Variants in DPH6 observed in about 807,000 individuals in gnomAD.
DPH6 encodes diphthine--ammonia ligase.
A neutral mutation model predicts 38.2 loss-of-function variants in DPH6; 33 were observed. That is an observed-to-expected ratio of 0.86 (90% CI 0.65 to 1.15). The LOEUF is 1.15. DPH6 is among the 50% of genes most tolerant of loss of function. DPH6 has a pLI of 0.00. For synonymous variants in DPH6, 108 were observed against 103.0 expected, an observed-to-expected ratio of 1.05 and a Z score of -0.30; for missense variants, 325 against 320.0, an observed-to-expected ratio of 1.02 and a Z score of -0.12.
intron 3 of DPH6, among the ~76,000 whole-genome samples, chr15:35,312,759 T>C (rs946810342): frequency 1.3e-5 from 2 of 152,228 alleles, no homozygotes; most frequent in African/African-American, 4.8e-5. Flanking sequence ...TTTCCCAGCA[T>C]CATTCATTGG....
chr15:35,543,659 C>T (rs2055299409), intron 1 of DPH6, among the ~76,000 whole-genome samples: 1 of 152,014 alleles, frequency 6.6e-6, no homozygotes, highest in Non-Finnish European at 1.5e-5. Flanking sequence ...TCTTAGTTTT[C>T]AACATTTCTG....
chr15:35,230,429 CT>C (rs2051509373), intron 3 of DPH6, among the ~76,000 whole-genome samples: 1 of 152,148 alleles, frequency 6.6e-6, no homozygotes, highest in Admixed American at 6.5e-5. Flanking sequence ...GTGGGCTCCC[CT>C]TCTGGCCCAG....
At chr15:35,323,199 T>TA (rs2052255157) in intron 3 of DPH6, among the ~76,000 whole-genome samples, 1 of 152,170 alleles carries the variant, frequency 6.6e-6, no homozygotes, top group Non-Finnish European at 1.5e-5. Flanking sequence ...AACAGGGCAT[T>TA]AAAAAATCTA....
chr15:35,213,902 GGAGATC>G (rs1388909735), downstream of DPH6, among the ~76,000 whole-genome samples: 2 of 152,206 alleles, frequency 1.3e-5, no homozygotes, highest in African/African-American at 2.4e-5. Context: ...CACAAGGTCA[GGAGATC>G]GAGACCATCC....
chr15:35,283,046 T>C (rs1286985908), intron 3 of DPH6: 1 of 176,438 alleles, frequency 5.7e-6, no homozygotes, highest in Non-Finnish European at 1.2e-5. Context: ...TTCTTCTTCT[T>C]CCTTCTTCTT....
At chr15:35,169,840 G>A in the DPH6 span, 1 of 152,234 alleles carries the variant, frequency 6.6e-6, no homozygotes, top group South Asian at 2.1e-4. Flanking sequence ...TTAAACAAAT[G>A]AAGTATATTA....
chr15:35,387,747 G>C (rs1325657416), intron 6 of DPH6, among the ~76,000 whole-genome samples: 6 of 152,156 alleles, frequency 3.9e-5, no homozygotes, highest in African/African-American at 1.4e-4. Flanking sequence ...TTTGGGCTGA[G>C]ACGATGGGGT....
downstream of DPH6, among the ~76,000 whole-genome samples, chr15:35,214,439 C>CA (rs1383145310): frequency 6.6e-6 from 1 of 152,122 alleles, no homozygotes; most frequent in Non-Finnish European, 1.5e-5. Flanking sequence ...TGCTCAGGCC[C>CA]AAAACCTTGG....
intron 3 of DPH6, among the ~76,000 whole-genome samples, chr15:35,500,745 C>A (rs2054615424): frequency 6.6e-6 from 1 of 152,012 alleles, no homozygotes; most frequent in South Asian, 2.1e-4. Context: ...TATGTGTTCC[C>A]TTTTTGTGAT....
chr15:35,245,848 A>C (rs1002395063), intron 3 of DPH6, among the ~76,000 whole-genome samples: 4 of 152,246 alleles, frequency 2.6e-5, no homozygotes, highest in Non-Finnish European at 4.4e-5. Flanking sequence ...CTTAAGGAAT[A>C]TAATACAGGA....
chr15:35,156,392 A>G, the DPH6 span, among the ~76,000 whole-genome samples: 1 of 152,214 alleles, frequency 6.6e-6, no homozygotes, highest in South Asian at 2.1e-4. Flanking sequence ...TGATATAAAA[A>G]AAGAGTTTAA....
chr15:35,489,765 C>T (rs1387516612), intron 3 of DPH6: 3 of 982,906 alleles, frequency 3.1e-6, no homozygotes, highest in Non-Finnish European at 3.6e-6. Context: ...AGTATTTTGC[C>T]TTAGGAGGAT....
At chr15:35,429,124 G>A (rs1299701058) in intron 5 of DPH6, among the ~76,000 whole-genome samples, 1 of 151,946 alleles carries the variant, frequency 6.6e-6, no homozygotes, top group Non-Finnish European at 1.5e-5. Flanking sequence ...TTAAATAAAG[G>A]TACCTATAAC....
At position 35,505,700 on chromosome 15, in the gene DPH6, T is replaced by A. The variant is rs540332294; in HGVS notation, c.312+32574A>T. 1.6e-4 allele frequency among the ~76,000 whole-genome samples: 24 copies of A among 152,188 alleles called. No homozygotes were observed. In the East Asian group the frequency reaches 4.6e-3, roughly 29 times the overall value. On this transcript the variant is annotated intron_variant, in intron 3 of 8. Transcript: ENST00000256538. ...AATACGTGTAATGAAAAATTACACC[T>A]AAGTCAGTCACCAGAACACAAAAGC...
chr15:35,524,193 AT>A (rs1435417242), intron 3 of DPH6, among the ~76,000 whole-genome samples: 3 of 152,072 alleles, frequency 2.0e-5, no homozygotes, highest in Non-Finnish European at 4.4e-5. Context: ...AATTTTTATT[AT>A]TAGATTCAAA....
chr15:35,312,961 C>T (rs544650948), intron 3 of DPH6, among the ~76,000 whole-genome samples: 2 of 152,294 alleles, frequency 1.3e-5, no homozygotes, highest in South Asian at 4.1e-4. Flanking sequence ...GGCGCAATGG[C>T]TCATGCCTGT....
chr15:35,157,703 A>C, the DPH6 span, among the ~76,000 whole-genome samples: 2 of 152,120 alleles, frequency 1.3e-5, no homozygotes, highest in Non-Finnish European at 2.9e-5. Flanking sequence ...GGATGCTCCT[A>C]CTGCATTCCT....
At chr15:35,231,231 C>T (rs971484013) in intron 3 of DPH6, among the ~76,000 whole-genome samples, 1 of 152,214 alleles carries the variant, frequency 6.6e-6, no homozygotes, top group Non-Finnish European at 1.5e-5. Flanking sequence ...CGTTTAAATG[C>T]TCCCTCCTTG....
intron 3 of DPH6, among the ~76,000 whole-genome samples, chr15:35,347,754 T>C (rs933627307): frequency 3.4e-4 from 52 of 152,102 alleles, no homozygotes; most frequent in Non-Finnish European, 1.3e-4. Context: ...AAAATACATT[T>C]TACATTCTCA....
Sources: gnomAD v4.1 joint callset for allele counts (sites outside exome capture counted in the v4.1 genomes callset) on GRCh38, gnomAD v4.1.1 for gene constraint, MANE v1.5 for transcripts, NCBI Gene and HGNC (gene_info 2026-07-23, HGNC 2026-07-21) for gene names.